The following CERS3 variants were observed in gnomAD, a reference collection of about 807,000 sequenced individuals.
The protein encoded by CERS3 is ceramide synthase 3.
A neutral mutation model predicts 50.3 loss-of-function variants in CERS3; 33 were observed. The observed-to-expected ratio is 0.66, with a 90% CI of 0.50 to 0.88. CERS3 has a LOEUF of 0.88. Ranked by LOEUF, CERS3 falls within the 40% of genes least tolerant of loss-of-function variation. The pLI is 0.00. For synonymous variants in CERS3, 176 were observed against 155.2 expected (o/e 1.13, Z -0.99); for missense variants, 470 against 460.3 (o/e 1.02, Z -0.19).
intron 3 of CERS3, among the ~76,000 whole-genome samples, chr15:100,493,594 G>A (rs756930231): frequency 1.1e-4 from 16 of 151,916 alleles, no homozygotes; most frequent in African/African-American, 2.2e-4. Context: ...GGAAATTTTC[G>A]GCCATTTATT....
chr15:100,487,554 A>G (rs2035524986), intron 4 of CERS3, among the ~76,000 whole-genome samples: 4 of 152,240 alleles, frequency 2.6e-5, no homozygotes, highest in Admixed American at 6.5e-5. Flanking sequence ...TACACTACCT[A>G]TTGCTGTGAA....
intron 1 of CERS3, among the ~76,000 whole-genome samples, chr15:100,525,496 G>A (rs993409576): frequency 2.0e-5 from 3 of 152,154 alleles, no homozygotes. Flanking sequence ...ATTTATTAAT[G>A]GAAATTCTCA....
intron 11 of CERS3, among the ~76,000 whole-genome samples, chr15:100,455,037 A>T (rs886824408): frequency 6.6e-6 from 1 of 152,200 alleles, no homozygotes; most frequent in African/African-American, 2.4e-5. Context: ...ACAATGAGAT[A>T]TCATCTCACC....
intron 3 of CERS3, among the ~76,000 whole-genome samples, chr15:100,499,123 G>A (rs143355541): frequency 2.0e-5 from 3 of 152,270 alleles, no homozygotes; most frequent in Admixed American, 6.5e-5. Context: ...ATCTACTCGT[G>A]TATAATTAAG....
chr15:100,504,806 T>C (rs1305301923), intron 2 of CERS3, among the ~76,000 whole-genome samples: 1 of 152,168 alleles, frequency 6.6e-6, no homozygotes, highest in Admixed American at 6.6e-5. Context: ...ACTTTCATGG[T>C]TAGTTTGGTA....
At chr15:100,498,018 C>T (rs988197574) in intron 3 of CERS3, among the ~76,000 whole-genome samples, 12 of 151,694 alleles carry the variant, frequency 7.9e-5, no homozygotes, top group African/African-American at 2.7e-4. Context: ...CTCAGCCTCA[C>T]GAAGAGCTGG....
intron 5 of CERS3, among the ~76,000 whole-genome samples, chr15:100,481,342 A>G (rs1340975467): frequency 1.3e-5 from 2 of 152,234 alleles, no homozygotes; most frequent in Non-Finnish European, 2.9e-5. Flanking sequence ...GTAGGGTTCA[A>G]TAGTCAAAAA....
chr15:100,422,294 C>G (rs1208601439), intron 11 of CERS3, among the ~76,000 whole-genome samples: 1 of 97,110 alleles, frequency 1.0e-5, no homozygotes, highest in Admixed American at 1.1e-4. Flanking sequence ...AGACACTTCT[C>G]AAAAGAAGAC....
chr15:100,543,392 T>TA (rs1368902937), intron 1 of CERS3, among the ~76,000 whole-genome samples: 1 of 152,194 alleles, frequency 6.6e-6, no homozygotes, highest in Non-Finnish European at 1.5e-5. Context: ...TCAGGTGATT[T>TA]AAAAACATTT....
chr15:100,488,680 C>T (rs1466874208), intron 4 of CERS3, among the ~76,000 whole-genome samples: 1 of 152,090 alleles, frequency 6.6e-6, no homozygotes, highest in African/African-American at 2.4e-5. Flanking sequence ...CGAATACTGC[C>T]TCAGTTTTTT....
chr15:100,443,916 C>T (rs958353162), intron 11 of CERS3, among the ~76,000 whole-genome samples: 1 of 152,172 alleles, frequency 6.6e-6, no homozygotes, highest in Admixed American at 6.5e-5. Flanking sequence ...ACGTAGCTGA[C>T]CCCAAAGATC....
chr15:100,446,288 C>A (rs2033936862), intron 11 of CERS3, among the ~76,000 whole-genome samples: 1 of 151,156 alleles, frequency 6.6e-6, no homozygotes, highest in Non-Finnish European at 1.5e-5. Flanking sequence ...TTTTTGGCAC[C>A]ACAACTTTAA....
Position 100,501,792 on chromosome 15 carries a change from T to C in CERS3, c.58A>G (p.Ile20Val). Residue 20 changes from isoleucine to valine, a missense_variant, in exon 3 of 12, where the codon ATA (isoleucine) becomes GTA (valine). Ile to Val is a conservative substitution (Grantham distance 29, BLOSUM62 3). Coordinates refer to ENST00000679737, the MANE Select transcript of CERS3 (RefSeq NM_001378789.1). ...TGATCCTCAAGATCTGACCACTTTA[T>C]TGTTGGAGGAAGCCAGAATCTTTCC... ...WLERFWLPPT[I>V]KWSDLEDHDG... is the part of the protein sequence containing the mutation. The C allele has an allele frequency of 1.2e-6, 2 of 1,614,178 alleles. No individual in the cohort carries two copies. Among genetic ancestry groups the C allele is most frequent in the South Asian group, 2.2e-5 (2 of 91,080 alleles).
At position 100,466,737 on chromosome 15, in the gene CERS3, TTTCCTTCC is replaced by T. The variant is rs1197426230; in HGVS notation, c.845+2633_845+2640del. Among the ~76,000 whole-genome samples the T allele has an allele frequency of 4.1e-3, 306 of 74,252 alleles. 24 individuals are homozygous for T. Among genetic ancestry groups the T allele is most frequent in the East Asian group, 5.8e-3 (12 of 2,072 alleles). 48.7% of individuals were successfully genotyped at this position (74,252 alleles called of 152,430 possible). Reference sequence around the variant, plus strand: ...CTGATTTTCTTATCTTCTTTCCTTCTTTCCTTCCTTCCTTCCTTCCTTCCTTCCTTCCT... The same window carrying T: ...CTGATTTTCTTATCTTCTTTCCTTCTTTCCTTCCTTCCTTCCTTCCTTCCT... On this transcript the variant is annotated intron_variant, in intron 10 of 11. Transcript: ENST00000679737.
At chr15:100,527,446 T>C (rs1292663117) in intron 1 of CERS3, among the ~76,000 whole-genome samples, 1 of 152,228 alleles carries the variant, frequency 6.6e-6, no homozygotes, top group African/African-American at 2.4e-5. Context: ...GATAGATTGA[T>C]TGATTGATTT....
intron 2 of CERS3, among the ~76,000 whole-genome samples, chr15:100,504,716 C>G (rs1393299697): frequency 6.6e-6 from 1 of 152,062 alleles, no homozygotes; most frequent in East Asian, 1.9e-4. Flanking sequence ...GAAGGGGTGA[C>G]CACGGACTGC....
At chr15:100,458,535 G>A (rs1278728334) in intron 10 of CERS3, among the ~76,000 whole-genome samples, 6 of 149,574 alleles carry the variant, frequency 4.0e-5, no homozygotes, top group South Asian at 2.1e-4. Flanking sequence ...GCAGTGAGCC[G>A]ACATCACGCC....
rs752413275 is a variant in CERS3 at position 100,416,773 on chromosome 15, C to T, written c.1000-13908G>A. On this transcript the variant is annotated intron_variant, in intron 11 of 11. Coordinates refer to ENST00000679737, the MANE Select transcript of CERS3 (RefSeq NM_001378789.1). Reference sequence around the variant, plus strand: ...TCCCTCCCTCAACATGTGGGGATTACGGGCATTACAATTTGAGATGAGATT... The same window carrying T: ...TCCCTCCCTCAACATGTGGGGATTATGGGCATTACAATTTGAGATGAGATT... 5.3e-5 allele frequency among the ~76,000 whole-genome samples: 8 copies of T among 152,158 alleles called. No homozygotes were observed. In the South Asian group the frequency reaches 6.2e-4, roughly 12 times the overall value.
intron 5 of CERS3, 68 bp downstream of exon 5, chr15:100,484,482 T>C: frequency 1.8e-6 from 2 of 1,083,352 alleles, no homozygotes; most frequent in Non-Finnish European, 2.9e-6. Flanking sequence ...GGCAGTATTC[T>C]CTCTGCAAGG....
Sources: allele counts gnomAD v4.1 joint callset (sites outside exome capture counted in the v4.1 genomes callset), GRCh38; gene constraint gnomAD v4.1.1; transcripts MANE v1.5; gene names NCBI Gene and HGNC (gene_info 2026-07-23, HGNC 2026-07-21).